TMSB15B: variants seen among roughly 807,000 people sequenced by gnomAD.
TMSB15B encodes the protein thymosin beta-15B.
chrX:103,950,802 A>G (rs147592615), intron 1 of TMSB15B, among the ~76,000 whole-genome samples: 341 of 110,508 alleles, frequency 3.1e-3, no homozygotes, highest in African/African-American at 0.01. Context: ...GATTGAAATG[A>G]CCCAATAGAG....
At chrX:103,925,010 T>G (rs1556318578) in intron 1 of TMSB15B, among the ~76,000 whole-genome samples, 1 of 112,391 alleles carries the variant, frequency 8.9e-6, no homozygotes. Context: ...CCTCTTTATC[T>G]GCTTCTGGCT....
chrX:103,938,581 G>A (rs1295588877), intron 1 of TMSB15B, among the ~76,000 whole-genome samples: 11 of 111,795 alleles, frequency 9.8e-5, no homozygotes, highest in Non-Finnish European at 1.9e-4. Flanking sequence ...TGAATACAGC[G>A]CACTGATGGG....
At chrX:103,951,656 G>C (rs1416314771) in intron 1 of TMSB15B, among the ~76,000 whole-genome samples, 1 of 111,215 alleles carries the variant, frequency 9.0e-6, no homozygotes, top group East Asian at 2.8e-4. Flanking sequence ...ATTTAGCCAG[G>C]GGTCGTGCTT....
At chrX:103,949,877 T>C (rs1170902728) in intron 1 of TMSB15B, among the ~76,000 whole-genome samples, 1 of 111,422 alleles carries the variant, frequency 9.0e-6, no homozygotes, top group African/African-American at 3.3e-5. Context: ...TGGGGCATTC[T>C]CATTTTAAGA....
intron 1 of TMSB15B, among the ~76,000 whole-genome samples, chrX:103,944,883 A>G (rs1171573413): frequency 1.8e-5 from 2 of 111,671 alleles, no homozygotes; most frequent in East Asian, 5.6e-4. Context: ...GGTTCAAGCG[A>G]TTCTCCTGCC....
intron 1 of TMSB15B, among the ~76,000 whole-genome samples, chrX:103,939,071 C>T (rs1451283559): frequency 1.8e-5 from 2 of 112,033 alleles, no homozygotes; most frequent in African/African-American, 6.5e-5. Context: ...ACCTTTCTCT[C>T]TGGCTTCCCT....
chrX:103,925,104 C>T (rs1480477599), intron 1 of TMSB15B, among the ~76,000 whole-genome samples: 3 of 111,727 alleles, frequency 2.7e-5, no homozygotes, highest in Non-Finnish European at 5.6e-5. Flanking sequence ...TATCTTTTAT[C>T]GAGGCCACTA....
intron 1 of TMSB15B, among the ~76,000 whole-genome samples, chrX:103,925,393 C>T (rs782612379): frequency 6.3e-4 from 71 of 112,500 alleles, no homozygotes; most frequent in Non-Finnish European, 1.2e-3. Flanking sequence ...CAATGGATTA[C>T]ATATTTAAGG....
intron 1 of TMSB15B, among the ~76,000 whole-genome samples, chrX:103,926,091 C>T (rs1227942645): frequency 6.3e-5 from 7 of 110,457 alleles, no homozygotes; most frequent in Non-Finnish European, 1.3e-4. Context: ...AGCTTTTACT[C>T]CTGCTCAGTT....
intron 1 of TMSB15B, among the ~76,000 whole-genome samples, chrX:103,943,201 TCTC>T (rs2075017037): frequency 1.8e-5 from 2 of 111,609 alleles, no homozygotes; most frequent in South Asian, 3.8e-4. Context: ...AACTATTTAT[TCTC>T]CTTACCAATC....
At chrX:103,933,571 T>C (rs1464530580) in intron 1 of TMSB15B, among the ~76,000 whole-genome samples, 1 of 111,882 alleles carries the variant, frequency 8.9e-6, no homozygotes, top group Non-Finnish European at 1.9e-5. Context: ...TCTTTGCTTT[T>C]GTTTATAGGT....
chrX:103,955,952 A>ACG (rs2075050476), intron 1 of TMSB15B, among the ~76,000 whole-genome samples: 1 of 111,707 alleles, frequency 9.0e-6, no homozygotes, highest in African/African-American at 3.3e-5. Context: ...AGGTCTCAGC[A>ACG]GAAACCCTAG....
chrX:103,941,336 C>T (rs1319118989), intron 1 of TMSB15B, among the ~76,000 whole-genome samples: 9 of 111,833 alleles, frequency 8.0e-5, no homozygotes, highest in Non-Finnish European at 1.1e-4. Context: ...CTTCAATATA[C>T]GGTTTAAAAC....
chrX:103,931,218 C>T (rs1481750523), intron 1 of TMSB15B: 1 of 111,895 alleles, frequency 8.9e-6, no homozygotes, highest in African/African-American at 3.2e-5. Flanking sequence ...GAAGTATGAA[C>T]ACAGAGTCTG....
intron 1 of TMSB15B, among the ~76,000 whole-genome samples, chrX:103,942,323 C>T (rs1556325628): frequency 9.0e-6 from 1 of 111,579 alleles, no homozygotes; most frequent in African/African-American, 3.3e-5. Flanking sequence ...CCAATGTTTT[C>T]TTTATGAATA....
chrX:103,940,397 T>C (rs1282702939), intron 1 of TMSB15B, among the ~76,000 whole-genome samples: 1 of 112,135 alleles, frequency 8.9e-6, no homozygotes, highest in Admixed American at 9.4e-5. Flanking sequence ...TACAGTGGCT[T>C]TGTGGCACTG....
At chrX:103,938,751 A>C (rs782183012) in intron 1 of TMSB15B, among the ~76,000 whole-genome samples, 8 of 111,729 alleles carry the variant, frequency 7.2e-5, no homozygotes, top group African/African-American at 2.6e-4. Flanking sequence ...CATAGTGTCG[A>C]TGGTCTTTAC....
rs782611240 is a variant in TMSB15B, at chrX:103,925,171, G to A, written c.-721+5879G>A. 8.9e-5 allele frequency among the ~76,000 whole-genome samples: 10 copies of A among 111,984 alleles called. No individual in the cohort carries two copies. In the South Asian group the frequency reaches 3.8e-3, roughly 42 times the overall value. ...TTATGTTACTAATCTCTGCCACAAT[G>A]TTTTGAGGTGGGTCTTAATGTCCTG... On this transcript the variant is annotated intron_variant, in intron 1 of 3. Coordinates refer to the TMSB15B transcript ENST00000419165.
At position 103,939,721 on chromosome X, in the gene TMSB15B, TGGA is replaced by T. The variant is rs1393683907; in HGVS notation, c.-721+20434_-721+20436del. On this transcript the variant is annotated intron_variant, in intron 1 of 3. Transcript: ENST00000419165. The stretch of plus-strand genomic sequence containing the variant: ...TTGCTGGGGAGAAGTTGTAATCCTT[TGGA>T]GGAGAAGAGGCATTCTGGTTTTTGG... Among the ~76,000 whole-genome samples the T allele has an allele frequency of 1.2e-4, 13 of 111,831 alleles. No individual in the cohort carries two copies. In the East Asian group the frequency reaches 3.7e-3, roughly 32 times the overall value.
Sources: gnomAD v4.1 joint callset for allele counts (sites outside exome capture counted in the v4.1 genomes callset) on GRCh38, gnomAD v4.1.1 for gene constraint, MANE v1.5 for transcripts, NCBI Gene and HGNC (gene_info 2026-07-23, HGNC 2026-07-21) for gene names.